Variants in ELOVL7 observed in about 807,000 individuals in gnomAD.
ELOVL7 encodes the protein ELOVL fatty acid elongase 7.
Under a neutral mutation model 35.7 loss-of-function variants are expected in ELOVL7, and 27 were observed. That is an observed-to-expected ratio of 0.76 (90% CI 0.56 to 1.04). The LOEUF (loss-of-function observed/expected upper bound fraction) is 1.04. Among genes scored for constraint, ELOVL7 ranks in the 50% least tolerant of loss-of-function variants. The pLI, the probability that ELOVL7 is intolerant of heterozygous loss-of-function variation, is 0.00. For synonymous variants in ELOVL7, 113 were observed against 114.6 expected, an observed-to-expected ratio of 0.99 and a Z score of 0.09; for missense variants, 327 against 340.8, an observed-to-expected ratio of 0.96 and a Z score of 0.32.
intron 3 of ELOVL7, among the ~76,000 whole-genome samples, chr5:60,773,205 G>A (rs1742702585): frequency 6.6e-6 from 1 of 152,198 alleles, no homozygotes; most frequent in South Asian, 2.1e-4. Context: ...AGAGTATTAT[G>A]AAGGAAAGGA....
At chr5:60,797,589 G>A (rs1439464718) in intron 2 of ELOVL7, among the ~76,000 whole-genome samples, 1 of 152,224 alleles carries the variant, frequency 6.6e-6, no homozygotes, top group Non-Finnish European at 1.5e-5. Context: ...AGATCCCAGA[G>A]AGAAAGGTAA....
chr5:60,814,590 C>T (rs997263296), intron 1 of ELOVL7, among the ~76,000 whole-genome samples: 1 of 152,194 alleles, frequency 6.6e-6, no homozygotes, highest in Non-Finnish European at 1.5e-5. Context: ...GACATTATCA[C>T]ATTCAATCTT....
chr5:60,761,745 G>A (rs1357033638), intron 7 of ELOVL7, among the ~76,000 whole-genome samples: 1 of 152,098 alleles, frequency 6.6e-6, no homozygotes, highest in Non-Finnish European at 1.5e-5. Flanking sequence ...GGGAGGTTAG[G>A]AGGACAGTTT....
intron 1 of ELOVL7, among the ~76,000 whole-genome samples, chr5:60,836,270 T>C (rs1746794069): frequency 6.6e-6 from 1 of 152,032 alleles, no homozygotes. Flanking sequence ...AAAAATTCCA[T>C]TCCACATTGG....
At chr5:60,806,593 A>G (rs1182849792) in intron 1 of ELOVL7, among the ~76,000 whole-genome samples, 2 of 152,212 alleles carry the variant, frequency 1.3e-5, no homozygotes, top group Non-Finnish European at 2.9e-5. Context: ...CTGCAAAAAA[A>G]GAAAAAGAAA....
intron 1 of ELOVL7, among the ~76,000 whole-genome samples, chr5:60,801,792 C>T (rs1744632736): frequency 6.6e-6 from 1 of 152,006 alleles, no homozygotes; most frequent in Non-Finnish European, 1.5e-5. Context: ...TCTTTCTTCC[C>T]TTGCAGGACG....
chr5:60,791,417 C>T (rs1743929306), intron 2 of ELOVL7, among the ~76,000 whole-genome samples: 1 of 152,122 alleles, frequency 6.6e-6, no homozygotes, highest in Non-Finnish European at 1.5e-5. Context: ...TGTAAAACTT[C>T]CTATAGGTAC....
intron 1 of ELOVL7, chr5:60,802,589 T>A (rs560113765): frequency 6.6e-6 from 1 of 152,302 alleles, no homozygotes; most frequent in East Asian, 1.9e-4. Context: ...TGGGGACAGA[T>A]CTTTGAATCA....
In ELOVL7 at chr5:60,838,146, T is replaced by C. The variant is rs557875839; in HGVS notation, c.-86+6014A>G. ...ATTATGATAAAATCCAAAACCTTTA[T>C]GGGGTCAAAAAATGCTCTCAGTAAG... On this transcript the variant is annotated intron_variant, in intron 1 of 8. Transcript: ENST00000508821. Among the ~76,000 whole-genome samples, 7 of 152,316 alleles carry C rather than the reference T, an allele frequency of 4.6e-5. No homozygotes were observed. In the South Asian group the frequency reaches 1.4e-3, roughly 32 times the overall value.
At chr5:60,786,975 G>A (rs57251027) in intron 3 of ELOVL7, among the ~76,000 whole-genome samples, 2,895 of 151,680 alleles carry the variant, frequency 0.019, 111 homozygotes, top group African/African-American at 0.066. Flanking sequence ...AAAAAAAAGA[G>A]TTGGCATTAA....
At chr5:60,794,005 C>A (rs1579853289) in intron 2 of ELOVL7, among the ~76,000 whole-genome samples, 1 of 152,240 alleles carries the variant, frequency 6.6e-6, no homozygotes, top group Non-Finnish European at 1.5e-5. Context: ...AAGAGAGATA[C>A]TTCAGAGGAA....
intron 1 of ELOVL7, among the ~76,000 whole-genome samples, chr5:60,809,694 T>C (rs1209767222): frequency 2.0e-5 from 3 of 152,126 alleles, no homozygotes; most frequent in Non-Finnish European, 2.9e-5. Flanking sequence ...ATTGCATGAG[T>C]GTTTATGTAT....
At chr5:60,758,793 T>C (rs1253019753) in intron 7 of ELOVL7, among the ~76,000 whole-genome samples, 1 of 152,238 alleles carries the variant, frequency 6.6e-6, no homozygotes, top group Non-Finnish European at 1.5e-5. Flanking sequence ...GAATATGTGT[T>C]CTTTATGTAT....
chr5:60,799,069 A>G (rs2112277681), intron 2 of ELOVL7, 111 bp downstream of exon 2: 1 of 152,316 alleles, frequency 6.6e-6, no homozygotes, highest in Non-Finnish European at 1.5e-5. Context: ...TGGAAAATTC[A>G]CAAATACATG....
chr5:60,788,215 A>T (rs1273714525), intron 2 of ELOVL7, among the ~76,000 whole-genome samples: 1 of 152,170 alleles, frequency 6.6e-6, no homozygotes, highest in South Asian at 2.1e-4. Context: ...TATACCTAAG[A>T]TGTATATTTT....
chr5:60,805,429 G>A (rs1454466582), intron 1 of ELOVL7, among the ~76,000 whole-genome samples: 1 of 152,206 alleles, frequency 6.6e-6, no homozygotes, highest in African/African-American at 2.4e-5. Flanking sequence ...GATTCTGGAG[G>A]AACCAAAGGC....
chr5:60,804,181 T>C (rs1184224222), intron 1 of ELOVL7, among the ~76,000 whole-genome samples: 1 of 152,178 alleles, frequency 6.6e-6, no homozygotes, highest in Non-Finnish European at 1.5e-5. Flanking sequence ...GAAAATACAA[T>C]TCACGTAAAA....
intron 7 of ELOVL7, among the ~76,000 whole-genome samples, chr5:60,759,441 G>C (rs527775256): frequency 1.2e-4 from 19 of 152,202 alleles, no homozygotes; most frequent in African/African-American, 4.3e-4. Context: ...TGATAGTTGA[G>C]GAGTCAAGGT....
chr5:60,837,596 A>G (rs1260796262), intron 1 of ELOVL7, among the ~76,000 whole-genome samples: 1 of 152,316 alleles, frequency 6.6e-6, no homozygotes, highest in African/African-American at 2.4e-5. Flanking sequence ...GATGATGCCC[A>G]TGAAGTTGAT....
Sources: gnomAD v4.1 joint callset for allele counts (sites outside exome capture counted in the v4.1 genomes callset) on GRCh38, gnomAD v4.1.1 for gene constraint, MANE v1.5 for transcripts, NCBI Gene and HGNC (gene_info 2026-07-23, HGNC 2026-07-21) for gene names.